Variants in GABRB2 observed in about 807,000 individuals in gnomAD.
The protein encoded by GABRB2 is gamma-aminobutyric acid receptor subunit beta-2.
In GABRB2, 16 loss-of-function variants were observed where a neutral mutation model predicts 54.7. That is an observed-to-expected ratio of 0.29 (90% confidence interval 0.20 to 0.44). GABRB2 has a LOEUF of 0.44. GABRB2 is among the 20% of genes least tolerant of loss of function. The pLI, the probability that GABRB2 is intolerant of heterozygous loss-of-function variation, is 1.00. For synonymous variants in GABRB2, 244 were observed against 233.8 expected (o/e 1.04, Z -0.40); for missense variants, 355 against 644.0 (o/e 0.55, Z 4.86).
chr5:161,429,357 A>AAAAAAAAAAAAAT (rs1402875797), intron 4 of GABRB2, among the ~76,000 whole-genome samples: 4 of 108,240 alleles, frequency 3.7e-5, no homozygotes, highest in African/African-American at 1.3e-4. Flanking sequence ...AAAAAAAAAA[A>AAAAAAAAAAAAAT]AGAAAAAGAA....
chr5:161,363,557 C>T (rs1754883387), intron 5 of GABRB2, among the ~76,000 whole-genome samples: 1 of 152,022 alleles, frequency 6.6e-6, no homozygotes, highest in Admixed American at 6.6e-5. Flanking sequence ...AAAAAATTAG[C>T]TGAGCATGGT....
In GABRB2 at chr5:161,429,808, G is replaced by C. The variant is rs1757123081; in HGVS notation, c.459-18751C>G. 1.3e-5 allele frequency among the ~76,000 whole-genome samples: 2 copies of C among 152,134 alleles called. 1 individual carries two copies. The highest frequency in any genetic ancestry group is 4.1e-4 in the South Asian group (2 of 4,830). ...GGCAGGCTTATGACCTCTGTAGTATGAGGAGTAGGTTCAACATAAGACAAA... is the reference window on the plus strand; with the variant it reads ...GGCAGGCTTATGACCTCTGTAGTATCAGGAGTAGGTTCAACATAAGACAAA... On this transcript the variant is annotated intron_variant, in intron 4 of 9. Coordinates refer to ENST00000393959, the MANE Select transcript of GABRB2 (RefSeq NM_001371727.1).
In GABRB2 at chr5:161,357,502, T is replaced by C. The variant is rs1437390022; in HGVS notation, c.542-20733A>G. On this transcript the variant is annotated intron_variant, in intron 5 of 9. Coordinates refer to ENST00000393959, the MANE Select transcript of GABRB2 (RefSeq NM_001371727.1). ...ATTTGAGTGAGAGTTTTCACTATTA[T>C]GAGTGAGAGTTTTGAGCAAAAAAAA... Among the ~76,000 whole-genome samples the C allele has an allele frequency of 5.3e-5, 7 of 131,016 alleles. No individual in the cohort carries two copies. The East Asian group carries it at 1.1e-3, about 21-fold the overall frequency. The allele number at this position is 131,016 out of a possible 152,430, so 86.0% of individuals were successfully genotyped here.
chr5:161,521,480 A>G (rs1359631638), intron 3 of GABRB2, among the ~76,000 whole-genome samples: 2 of 151,986 alleles, frequency 1.3e-5, no homozygotes. Flanking sequence ...GAAGGAGAGC[A>G]GTAGGAAAGG....
chr5:161,346,627 G>T (rs1754325347), intron 5 of GABRB2, among the ~76,000 whole-genome samples: 1 of 152,100 alleles, frequency 6.6e-6, no homozygotes, highest in African/African-American at 2.4e-5. Context: ...TTATTTAAGG[G>T]ATTGCAGGCA....
intron 7 of GABRB2, among the ~76,000 whole-genome samples, chr5:161,334,426 A>G (rs1325414400): frequency 1.3e-5 from 2 of 152,196 alleles, no homozygotes; most frequent in African/African-American, 2.4e-5. Context: ...AGGTCTTCTT[A>G]GGTAAAGAAG....
intron 4 of GABRB2, among the ~76,000 whole-genome samples, chr5:161,446,307 T>G (rs1320029647): frequency 1.3e-5 from 2 of 152,160 alleles, no homozygotes; most frequent in Non-Finnish European, 2.9e-5. Context: ...GCTTCAGTGA[T>G]TCACTTACCT....
chr5:161,412,554 CT>C (rs1312278309), intron 4 of GABRB2, among the ~76,000 whole-genome samples: 1 of 152,182 alleles, frequency 6.6e-6, no homozygotes, highest in African/African-American at 2.4e-5. Flanking sequence ...TAAATTAGAT[CT>C]TTTCACTCCT....
chr5:161,456,336 G>A (rs568155821), intron 4 of GABRB2, among the ~76,000 whole-genome samples: 2 of 152,120 alleles, frequency 1.3e-5, no homozygotes, highest in Non-Finnish European at 2.9e-5. Context: ...TGAACCACAG[G>A]ACCTAATAAT....
In GABRB2 at chr5:161,336,814, C is replaced by CAA. The variant is rs559725109; in HGVS notation, c.542-47_542-46dup. ...CACACACACACACAAATACAGAAAA[C>CAA]AAAAAAAAAAAAACAGACAAAACAG... On this transcript the variant is annotated intron_variant, in intron 5 of 9. Coordinates refer to ENST00000393959, the MANE Select transcript of GABRB2 (RefSeq NM_001371727.1). The CAA allele has an allele frequency of 5.3e-3, 5,845 of 1,097,000 alleles. 17 individuals carry two copies. The highest frequency in any genetic ancestry group is 0.03 in the African/African-American group (1,621 of 54,108). 68.0% of individuals were successfully genotyped at this position (1,097,000 alleles called of 1,614,324 possible).
chr5:161,413,726 A>G (rs972885108), intron 4 of GABRB2, among the ~76,000 whole-genome samples: 1 of 152,232 alleles, frequency 6.6e-6, no homozygotes, highest in South Asian at 2.1e-4. Context: ...TGTCTTGAGA[A>G]ACTAGAGAAA....
chr5:161,473,898 A>T (rs1233420155), intron 3 of GABRB2, among the ~76,000 whole-genome samples: 3 of 151,982 alleles, frequency 2.0e-5, no homozygotes, highest in Non-Finnish European at 1.5e-5. Context: ...GACAACCAGA[A>T]CCCCTGTTTT....
intron 4 of GABRB2, among the ~76,000 whole-genome samples, chr5:161,452,247 C>T (rs1026121203): frequency 2.6e-5 from 4 of 152,046 alleles, no homozygotes; most frequent in East Asian, 1.9e-4. Flanking sequence ...TTTTAAATAC[C>T]GTTTTATGCG....
At chr5:161,425,685 G>A (rs114218170) in intron 4 of GABRB2, among the ~76,000 whole-genome samples, 2 of 151,888 alleles carry the variant, frequency 1.3e-5, no homozygotes, top group Non-Finnish European at 2.9e-5. Context: ...ATATCTCTGA[G>A]GTATGCCTCA....
intron 9 of GABRB2, among the ~76,000 whole-genome samples, chr5:161,319,675 A>G (rs1420750776): frequency 6.6e-6 from 1 of 151,520 alleles, no homozygotes; most frequent in African/African-American, 2.4e-5. Context: ...ACGTTATGTG[A>G]CCATCTAAAT....
At chr5:161,414,465 A>C (rs897916169) in intron 4 of GABRB2, among the ~76,000 whole-genome samples, 1 of 152,230 alleles carries the variant, frequency 6.6e-6, no homozygotes, top group Admixed American at 6.5e-5. Flanking sequence ...ATACATAAAG[A>C]CATGTGGAAT....
In GABRB2 at chr5:161,301,724, G is replaced by A. The variant is rs899390320; in HGVS notation, c.1192-7296C>T. On this transcript the variant is annotated intron_variant, in intron 9 of 9. Transcript: ENST00000393959. ...GACCTATGCTGCAGGCCTTGCTTCA[G>A]TACAAGGCTCCTTACCATCTGCTTT... Among the ~76,000 whole-genome samples the A allele has an allele frequency of 4.6e-5, 7 of 152,214 alleles. No homozygotes were observed. The East Asian group carries it at 1.2e-3, about 25-fold the overall frequency.
intron 9 of GABRB2, among the ~76,000 whole-genome samples, chr5:161,324,893 G>T (rs980082846): frequency 6.6e-6 from 1 of 152,004 alleles, no homozygotes; most frequent in Admixed American, 6.5e-5. Context: ...AGAGGAAGAG[G>T]TCTTAACAAA....
intron 3 of GABRB2, among the ~76,000 whole-genome samples, chr5:161,538,038 A>ATATCCTCTT (rs1760698807): frequency 6.6e-6 from 1 of 151,962 alleles, no homozygotes; most frequent in South Asian, 2.1e-4. Flanking sequence ...TGCCCTGTGT[A>ATATCCTCTT]TATCCTCTTT....
Sources: allele counts gnomAD v4.1 joint callset (sites outside exome capture counted in the v4.1 genomes callset), GRCh38; gene constraint gnomAD v4.1.1; transcripts MANE v1.5; gene names NCBI Gene and HGNC (gene_info 2026-07-23, HGNC 2026-07-21).